Variants in FAF1 observed in about 807,000 individuals in gnomAD.
FAF1 encodes the protein FAS-associated factor 1.
A neutral mutation model predicts 92.5 loss-of-function variants in FAF1; 25 were observed. The observed-to-expected ratio is 0.27, with a 90% CI of 0.20 to 0.38. The LOEUF is 0.38. FAF1 is among the 10% of genes least tolerant of loss of function. The pLI, the probability that FAF1 is intolerant of heterozygous loss-of-function variation, is 1.00. For synonymous variants in FAF1, 234 were observed against 273.2 expected, an observed-to-expected ratio of 0.86 and a Z score of 1.42; for missense variants, 636 against 793.3, an observed-to-expected ratio of 0.80 and a Z score of 2.38.
At chr1:50,821,036 T>A (rs1286158795) in intron 2 of FAF1, among the ~76,000 whole-genome samples, 1 of 152,208 alleles carries the variant, frequency 6.6e-6, no homozygotes, top group Non-Finnish European at 1.5e-5. Context: ...TTACTTTCAA[T>A]GGCAAGAACC....
intron 8 of FAF1, among the ~76,000 whole-genome samples, chr1:50,624,498 TCA>T (rs1653400344): frequency 6.6e-6 from 1 of 152,138 alleles, no homozygotes; most frequent in African/African-American, 2.4e-5. Context: ...TCTCTGAATC[TCA>T]GTTTCCTTAT....
chr1:50,686,985 C>T (rs1285542274), intron 7 of FAF1, among the ~76,000 whole-genome samples: 3 of 152,052 alleles, frequency 2.0e-5, no homozygotes, highest in Non-Finnish European at 2.9e-5. Flanking sequence ...CATGCCACCA[C>T]GCCCAGCTAA....
intron 16 of FAF1, 139 bp downstream of exon 16, chr1:50,491,582 G>A: frequency 1.7e-6 from 1 of 603,792 alleles, no homozygotes; most frequent in Non-Finnish European, 3.0e-6. Flanking sequence ...ACCATGGATA[G>A]GATTATATTC....
chr1:50,827,824 G>A (rs1644116305), intron 2 of FAF1, among the ~76,000 whole-genome samples: 1 of 152,008 alleles, frequency 6.6e-6, no homozygotes, highest in African/African-American at 2.4e-5. Flanking sequence ...TTACGACAGA[G>A]AGCCTAAAAG....
rs190094531 is a variant in FAF1 at position 50,691,986 on chromosome 1, C to T, written c.657+13800G>A. Among the ~76,000 whole-genome samples the T allele has an allele frequency of 1.6e-4, 25 of 152,224 alleles. No homozygotes were observed. In the East Asian group the frequency reaches 3.5e-3, roughly 21 times the overall value. ...CCTGTAATCCTTTGGGAGGCCCAGG[C>T]GGGCAGATCACTTGAGCCCAGGTGT... On this transcript the variant is annotated intron_variant, in intron 7 of 18. Transcript: ENST00000396153.
At chr1:50,648,509 G>A (rs1654699232) in intron 8 of FAF1, among the ~76,000 whole-genome samples, 1 of 152,174 alleles carries the variant, frequency 6.6e-6, no homozygotes, top group African/African-American at 2.4e-5. Context: ...AACAAACCTG[G>A]AAGGGAAGTT....
At chr1:50,708,977 T>C (rs1202291384) in intron 6 of FAF1, among the ~76,000 whole-genome samples, 1 of 152,036 alleles carries the variant, frequency 6.6e-6, no homozygotes, top group Non-Finnish European at 1.5e-5. Flanking sequence ...GCTCAAACAA[T>C]AGATGGGGTC....
intron 1 of FAF1, among the ~76,000 whole-genome samples, chr1:50,887,841 G>A (rs966545836): frequency 1.3e-5 from 2 of 152,194 alleles, no homozygotes; most frequent in Non-Finnish European, 2.9e-5. Flanking sequence ...TTTTGGCTTA[G>A]GATTGTCTTG....
intron 8 of FAF1, among the ~76,000 whole-genome samples, chr1:50,644,658 A>G (rs1243769185): frequency 2.0e-5 from 3 of 152,216 alleles, no homozygotes; most frequent in Non-Finnish European, 4.4e-5. Flanking sequence ...TCCAGGCAGA[A>G]TTTAAGACTC....
intron 8 of FAF1, among the ~76,000 whole-genome samples, chr1:50,612,144 A>G (rs1652713776): frequency 6.6e-6 from 1 of 152,220 alleles, no homozygotes; most frequent in Non-Finnish European, 1.5e-5. Flanking sequence ...TTTTCTGAAG[A>G]TATTTTTCTT....
intron 8 of FAF1, among the ~76,000 whole-genome samples, chr1:50,610,211 G>A (rs1196584477): frequency 6.6e-6 from 1 of 152,220 alleles, no homozygotes; most frequent in South Asian, 2.1e-4. Context: ...TGTATTACCT[G>A]TTTCATATAT....
intron 2 of FAF1, among the ~76,000 whole-genome samples, chr1:50,804,282 G>A (rs72902776): frequency 0.088 from 13,406 of 152,118 alleles, 597 homozygotes; most frequent in African/African-American, 0.098. Context: ...TCACAGCTAC[G>A]TTCAAGAAAG....
chr1:50,544,482 A>G (rs1282858168), intron 13 of FAF1, among the ~76,000 whole-genome samples: 1 of 152,164 alleles, frequency 6.6e-6, no homozygotes, highest in Non-Finnish European at 1.5e-5. Context: ...TTTGAGACAC[A>G]TTGCTTTCTG....
chr1:50,753,821 G>A (rs769576994), intron 4 of FAF1, among the ~76,000 whole-genome samples: 4 of 149,324 alleles, frequency 2.7e-5, no homozygotes, highest in Non-Finnish European at 4.4e-5. Flanking sequence ...GTAGTGGTGC[G>A]ATCTCGGCTC....
intron 5 of FAF1, among the ~76,000 whole-genome samples, chr1:50,744,057 C>T (rs979629837): frequency 3.3e-5 from 5 of 151,620 alleles, no homozygotes; most frequent in African/African-American, 9.7e-5. Context: ...GGCAACAGAG[C>T]GAGACTGTCT....
intron 18 of FAF1, among the ~76,000 whole-genome samples, chr1:50,458,784 T>C (rs1197470840): frequency 6.6e-6 from 1 of 152,248 alleles, no homozygotes; most frequent in East Asian, 1.9e-4. Context: ...GTGCTTTATG[T>C]GTAACACTTC....
intron 1 of FAF1, among the ~76,000 whole-genome samples, chr1:50,924,674 T>C (rs1281572839): frequency 6.6e-6 from 1 of 152,172 alleles, no homozygotes; most frequent in Non-Finnish European, 1.5e-5. Flanking sequence ...CAAAACAGCA[T>C]AGTATTGGTA....
chr1:50,907,701 C>A (rs1291757061), intron 1 of FAF1, among the ~76,000 whole-genome samples: 1 of 151,792 alleles, frequency 6.6e-6, no homozygotes, highest in Non-Finnish European at 1.5e-5. Flanking sequence ...TGGTAGTTTG[C>A]ATTTCTGTGG....
intron 4 of FAF1, among the ~76,000 whole-genome samples, chr1:50,787,579 G>A (rs1486041010): frequency 6.6e-6 from 1 of 152,150 alleles, no homozygotes; most frequent in East Asian, 1.9e-4. Context: ...CTCCAGAAAT[G>A]TGAGAAAATA....
Sources: gnomAD v4.1 joint callset for allele counts (sites outside exome capture counted in the v4.1 genomes callset) on GRCh38, gnomAD v4.1.1 for gene constraint, MANE v1.5 for transcripts, NCBI Gene and HGNC (gene_info 2026-07-23, HGNC 2026-07-21) for gene names.